REPS2: variants seen among roughly 807,000 people sequenced by gnomAD.
REPS2 encodes the protein ralBP1-associated Eps domain-containing protein 2.
A neutral mutation model predicts 53.6 loss-of-function variants in REPS2; 23 were observed. The observed-to-expected ratio is 0.43, with a 90% CI of 0.31 to 0.61. REPS2 has a LOEUF of 0.61. REPS2 is among the 20% of genes least tolerant of loss of function. REPS2 has a pLI of 0.11. For missense variants in REPS2, 446 were observed against 534.9 expected (o/e 0.83, Z 1.64); for synonymous variants, 238 against 218.6 (o/e 1.09, Z -0.78).
At position 16,946,727 on chromosome X, in the gene REPS2, G is replaced by A; in HGVS notation, c.-135G>A. 10 of 679,797 alleles carry A rather than the reference G, an allele frequency of 1.5e-5. No individual in the cohort carries two copies. The highest frequency in any genetic ancestry group is 1.7e-5 in the Non-Finnish European group (10 of 573,103). 56.0% of individuals were successfully genotyped at this position (679,797 alleles called of 1,213,427 possible). The stretch of plus-strand genomic sequence containing the variant: ...CGGCCGCGCGGCAGCTGCGGGGCGT[G>A]GGGGTGGTGGTGGCGGCGGCGGTGG... On this transcript the variant is annotated 5_prime_UTR_variant, in exon 1 of 18. Transcript: ENST00000357277.
chrX:17,083,225 C>G (rs1313439160), intron 13 of REPS2, among the ~76,000 whole-genome samples: 1 of 109,185 alleles, frequency 9.2e-6, no homozygotes, highest in Non-Finnish European at 1.9e-5. Flanking sequence ...CTGGGGACTA[C>G]AGGCACCTGC....
At chrX:17,081,175 A>G (rs2062450797) in intron 13 of REPS2, among the ~76,000 whole-genome samples, 1 of 112,252 alleles carries the variant, frequency 8.9e-6, no homozygotes, top group Middle Eastern at 4.6e-3. Context: ...ATAAAATGAG[A>G]CTCAGGATTG....
intron 14 of REPS2, among the ~76,000 whole-genome samples, chrX:17,132,645 C>T (rs1290705703): frequency 8.9e-6 from 1 of 112,799 alleles, no homozygotes; most frequent in Non-Finnish European, 1.9e-5. Context: ...TCAAGTGATT[C>T]TCTTGCCTCA....
chrX:16,946,723 GCGT>G lies in REPS2; in HGVS notation c.-138_-136del, dbSNP rs2060430618. The G allele has an allele frequency of 3.1e-6, 2 of 653,004 alleles. No individual in the cohort carries two copies. The highest frequency in any genetic ancestry group is 5.6e-5 in the African/African-American group (2 of 35,881). The allele number at this position is 653,004 out of a possible 1,213,427, so 53.8% of individuals were successfully genotyped here. On this transcript the variant is annotated 5_prime_UTR_variant, in exon 1 of 18. Transcript: ENST00000357277. ...GAAGCGGCCGCGCGGCAGCTGCGGG[GCGT>G]GGGGGTGGTGGTGGCGGCGGCGGTG...
At chrX:17,058,947 C>T (rs2062113435) in intron 8 of REPS2, among the ~76,000 whole-genome samples, 1 of 110,169 alleles carries the variant, frequency 9.1e-6, no homozygotes, top group African/African-American at 3.3e-5. Context: ...ATGAGTGATC[C>T]TATTCATTTT....
At chrX:17,103,475 A>G (rs2062833824) in intron 13 of REPS2, among the ~76,000 whole-genome samples, 1 of 111,933 alleles carries the variant, frequency 8.9e-6, no homozygotes, top group African/African-American at 3.2e-5. Context: ...TCTTTTCTGT[A>G]CCATTTTATT....
intron 14 of REPS2, among the ~76,000 whole-genome samples, chrX:17,114,107 GT>G (rs953541007): frequency 9.0e-6 from 1 of 111,509 alleles, no homozygotes; most frequent in African/African-American, 3.3e-5. Flanking sequence ...ACCTTTGATG[GT>G]AAGGTTTTCT....
chrX:17,099,715 C>T (rs2062759691), intron 13 of REPS2: 1 of 488,244 alleles, frequency 2.0e-6, no homozygotes. Flanking sequence ...ACAAGTAGAA[C>T]TTCTTTCCTT....
chrX:17,059,508 C>T (rs1233307498), intron 8 of REPS2, among the ~76,000 whole-genome samples: 3 of 109,824 alleles, frequency 2.7e-5, no homozygotes, highest in Non-Finnish European at 5.7e-5. Context: ...CGCTCTGTCA[C>T]CCAGACTTGA....
At chrX:17,133,030 C>T (rs914698204) in intron 14 of REPS2, among the ~76,000 whole-genome samples, 1 of 112,643 alleles carries the variant, frequency 8.9e-6, no homozygotes, top group African/African-American at 3.2e-5. Context: ...ACACACTTCC[C>T]TTGGCATCCC....
downstream of REPS2, among the ~76,000 whole-genome samples, chrX:17,155,703 A>T (rs773435055): frequency 8.9e-6 from 1 of 112,312 alleles, no homozygotes; most frequent in African/African-American, 3.2e-5. Flanking sequence ...GAAGATTGTA[A>T]ACTAATGTTT....
chrX:17,033,241 C>T (rs2061728661), intron 5 of REPS2, among the ~76,000 whole-genome samples: 1 of 111,494 alleles, frequency 9.0e-6, no homozygotes, highest in Non-Finnish European at 1.9e-5. Flanking sequence ...ATTTGGTGTC[C>T]ATTATGCCTG....
rs3222673 is a variant in REPS2, at chrX:17,030,314, GGTGTGTGTGTGTGTGTGT to G, written c.771+703_771+720del. Among the ~76,000 whole-genome samples the G allele has an allele frequency of 2.3e-3, 237 of 101,903 alleles. 1 individual carries two copies. The highest frequency in any genetic ancestry group is 7.5e-3 in the African/African-American group (210 of 27,941). 88.5% of individuals were successfully genotyped at this position (101,903 alleles called of 115,157 possible). A position where few individuals can be genotyped will look rare whatever the true frequency, so the allele number is the denominator to read the frequency against. On this transcript the variant is annotated intron_variant, in intron 5 of 17. Coordinates refer to ENST00000357277, the MANE Select transcript of REPS2 (RefSeq NM_004726.3). The stretch of plus-strand genomic sequence containing the variant: ...TGGGGAAGTTATATTCTCAAAGAAG[GGTGTGTGTGTGTGTGTGT>G]GTGTGTGTGTGCACGCGCGGGTGTG...
intron 2 of REPS2, among the ~76,000 whole-genome samples, chrX:17,010,556 C>G (rs1320912923): frequency 9.0e-6 from 1 of 111,617 alleles, no homozygotes; most frequent in Non-Finnish European, 1.9e-5. Flanking sequence ...GCAAATATTC[C>G]TTACAGGTTT....
intron 14 of REPS2, among the ~76,000 whole-genome samples, chrX:17,121,359 T>A (rs929782958): frequency 8.9e-5 from 10 of 112,439 alleles, no homozygotes; most frequent in African/African-American, 3.2e-4. Flanking sequence ...GCAGCCGTTG[T>A]TGCTGTCTGT....
At chrX:17,167,120 T>C in the REPS2 span, among the ~76,000 whole-genome samples, 2 of 111,647 alleles carry the variant, frequency 1.8e-5, no homozygotes, top group Non-Finnish European at 3.8e-5. Context: ...CTATCTCTTA[T>C]AGTTCTCATG....
At position 17,025,186 on chromosome X, in the gene REPS2, G is replaced by A; in HGVS notation, c.673+1G>A. On this transcript the variant is annotated splice_donor_variant, in intron 4 of 17. Transcript: ENST00000357277. LOFTEE classifies it high-confidence loss of function. ...AGCAGCGCAGAACAGATGCATCCAGGTAAGAGGCGACCTGGGGGCCAGCTG... is the reference window on the plus strand; with the variant it reads ...AGCAGCGCAGAACAGATGCATCCAGATAAGAGGCGACCTGGGGGCCAGCTG... 8.3e-7 allele frequency: 1 copy of A among 1,206,823 alleles called. No individual in the cohort carries two copies. The highest frequency in any genetic ancestry group is 1.1e-6 in the Non-Finnish European group (1 of 892,978).
At chrX:17,176,748 G>A in the REPS2 span, among the ~76,000 whole-genome samples, 8 of 112,367 alleles carry the variant, frequency 7.1e-5, no homozygotes, top group African/African-American at 2.6e-4. Context: ...GGTCTCTATG[G>A]GGCCACCTCA....
At chrX:17,090,673 C>T (rs1569170347) in intron 13 of REPS2, among the ~76,000 whole-genome samples, 1 of 112,270 alleles carries the variant, frequency 8.9e-6, no homozygotes, top group Non-Finnish European at 1.9e-5. Flanking sequence ...AAATATTTTC[C>T]ACAGTCTGTG....
Sources: gnomAD v4.1 joint callset for allele counts (sites outside exome capture counted in the v4.1 genomes callset) on GRCh38, gnomAD v4.1.1 for gene constraint, MANE v1.5 for transcripts, NCBI Gene and HGNC (gene_info 2026-07-23, HGNC 2026-07-21) for gene names.